Variants in NANOG observed in about 807,000 individuals in gnomAD.
NANOG encodes the protein homeobox protein NANOG.
NANOG carries 2 observed loss-of-function variants against 17.7 expected under a neutral mutation model. That is an observed-to-expected ratio of 0.11 (90% CI 0.05 to 0.36). NANOG has a LOEUF of 0.36. Among genes scored for constraint, NANOG ranks in the 10% least tolerant of loss-of-function variants. The pLI, the probability that NANOG is intolerant of heterozygous loss-of-function variation, is 1.00. For synonymous variants in NANOG, 81 were observed against 124.7 expected, an observed-to-expected ratio of 0.65 and a Z score of 2.33; for missense variants, 174 against 362.1, an observed-to-expected ratio of 0.48 and a Z score of 4.22.
Position 7,789,429 on chromosome 12 carries a change from C to T in NANOG, c.-186C>T, listed in dbSNP as rs1037264717. 49 of 598,768 alleles carry T rather than the reference C, an allele frequency of 8.2e-5. 2 individuals carry two copies. Among genetic ancestry groups the T allele is most frequent in the Middle Eastern group, 4.4e-4 (1 of 2,276 alleles). The allele number at this position is 598,768 out of a possible 1,614,324, so 37.1% of individuals were successfully genotyped here. A position where few individuals can be genotyped will look rare whatever the true frequency, so the allele number is the denominator to read the frequency against. On this transcript the variant is annotated 5_prime_UTR_variant, in exon 1 of 4. In the 5' UTR this introduces an upstream ATG that the reference lacks. Coordinates refer to ENST00000229307, the MANE Select transcript of NANOG (RefSeq NM_024865.4). ...AAATCTAGAGACTCCAGGATTTTAA[C>T]GTTCTGCTGGACTGAGCTGGTTGCC...
At chr12:7,793,902 TG>T (rs1181784549) in intron 2 of NANOG, among the ~76,000 whole-genome samples, 1 of 152,060 alleles carries the variant, frequency 6.6e-6, no homozygotes, top group Non-Finnish European at 1.5e-5. Flanking sequence ...CCACTACACC[TG>T]GCTAATTTTA....
chr12:7,792,133 G>A (rs1862849577), intron 1 of NANOG, among the ~76,000 whole-genome samples: 1 of 152,158 alleles, frequency 6.6e-6, no homozygotes, highest in South Asian at 2.1e-4. Flanking sequence ...GACCTCAAGT[G>A]ATCTGCCCAC....
rs1862804210 is a variant in NANOG, at chr12:7,789,501, T to G, written c.-114T>G. 8.0e-6 allele frequency: 7 copies of G among 877,592 alleles called. No individual in the cohort carries two copies. In the East Asian group the frequency reaches 1.8e-4, roughly 23 times the overall value. 54.4% of individuals were successfully genotyped at this position (877,592 alleles called of 1,614,324 possible). Reference sequence around the variant, plus strand: ...TCACTTTATCCCAATTTCTTGATACTTTTCCTTCTGGAGGTCCTATTTCTC... The same window carrying G: ...TCACTTTATCCCAATTTCTTGATACGTTTCCTTCTGGAGGTCCTATTTCTC... On this transcript the variant is annotated 5_prime_UTR_variant, in exon 1 of 4. Coordinates refer to ENST00000229307, the MANE Select transcript of NANOG (RefSeq NM_024865.4).
chr12:7,795,543 G>C lies in NANOG; in HGVS notation c.*448G>C, dbSNP rs1324938947. On this transcript the variant is annotated 3_prime_UTR_variant, in exon 4 of 4. Coordinates refer to ENST00000229307, the MANE Select transcript of NANOG (RefSeq NM_024865.4). ...TCACTGTGTTAGCCAGGATGGTCTC[G>C]ATCTCCTGACCTTGTGATCCACCCG... The C allele has an allele frequency of 3.5e-5, 3 of 85,352 alleles. No individual in the cohort carries two copies. The highest frequency in any genetic ancestry group is 3.0e-4 in the South Asian group (1 of 3,378). 5.3% of individuals were successfully genotyped at this position (85,352 alleles called of 1,614,324 possible).
In NANOG at chr12:7,798,340, C is replaced by T. The variant is rs74240316; in HGVS notation, c.*3245C>T. Reference sequence around the variant, plus strand: ...GACCCCAGATAATGCCACCCCACTCCAGCCTGGGCGACAGAGCGTCACTGT... The same window carrying T: ...GACCCCAGATAATGCCACCCCACTCTAGCCTGGGCGACAGAGCGTCACTGT... On this transcript the variant is annotated 3_prime_UTR_variant, in exon 4 of 4. Transcript: ENST00000229307. 25,854 of 152,184 alleles carry T rather than the reference C, an allele frequency of 0.17. 2,567 individuals are homozygous for T. Among genetic ancestry groups the T allele is most frequent in the East Asian group, 0.33 (1,693 of 5,160 alleles). 9.4% of individuals were successfully genotyped at this position (152,184 alleles called of 1,614,324 possible).
chr12:7,796,736 A>G lies in NANOG; in HGVS notation c.*1641A>G, dbSNP rs752604405. The G allele has an allele frequency of 2.0e-5, 3 of 150,658 alleles. No individual in the cohort carries two copies. Among genetic ancestry groups the G allele is most frequent in the South Asian group, 2.1e-4 (1 of 4,770 alleles). The allele number at this position is 150,658 out of a possible 1,614,324, so 9.3% of individuals were successfully genotyped here. A position where few individuals can be genotyped will look rare whatever the true frequency, so the allele number is the denominator to read the frequency against. On this transcript the variant is annotated 3_prime_UTR_variant, in exon 4 of 4. Coordinates refer to ENST00000229307, the MANE Select transcript of NANOG (RefSeq NM_024865.4). ...TTGTCCAATGTTACTAAGACTATCC[A>G]GTCTAATTCCAAGTGTTTTTTTTTT...
chr12:7,794,357 G>GAT, intron 2 of NANOG, 100 bp from the exon 3 acceptor site: 1 of 1,132,384 alleles, frequency 8.8e-7, no homozygotes. Flanking sequence ...ACAGGCATGA[G>GAT]ATATGGCACC....
At chr12:7,790,281 C>G (rs1417201052) in intron 1 of NANOG, among the ~76,000 whole-genome samples, 1 of 152,216 alleles carries the variant, frequency 6.6e-6, no homozygotes, top group Non-Finnish European at 1.5e-5. Flanking sequence ...ACGGCTGTCT[C>G]TTCTCCATTC....
rs989386228 is a variant in NANOG, at chr12:7,791,374, G to A, written c.152-1576G>A. ...GATTCACCTGCCTTGGCTGGGCACC[G>A]CGCCTGGCCACCTTTATAATTTCAA... On this transcript the variant is annotated intron_variant, in intron 1 of 3. Coordinates refer to ENST00000229307, the MANE Select transcript of NANOG (RefSeq NM_024865.4). Among the ~76,000 whole-genome samples the A allele has an allele frequency of 3.8e-4, 58 of 152,078 alleles. 1 individual carries two copies. Among genetic ancestry groups the A allele is most frequent in the African/African-American group, 1.4e-3 (58 of 41,414 alleles).
intron 1 of NANOG, among the ~76,000 whole-genome samples, chr12:7,790,950 G>A (rs540265319): frequency 2.2e-4 from 33 of 152,204 alleles, no homozygotes; most frequent in Non-Finnish European, 4.6e-4. Context: ...TCACTTTGCA[G>A]CTCGGGCTGG....
Position 7,793,130 on chromosome 12 carries a change from A to G in NANOG, c.332A>G (p.Asn111Ser), listed in dbSNP as rs763289367. ...TCTTCCACCCAGCTGTGTGTACTCAATGATAGATTTCAGAGACAGAAATAC... is the reference window on the plus strand; with the variant it reads ...TCTTCCACCCAGCTGTGTGTACTCAGTGATAGATTTCAGAGACAGAAATAC... ...VFSSTQLCVLNDRFQRQKYLS... is the reference protein window; with the variant it reads ...VFSSTQLCVLSDRFQRQKYLS... The change falls in exon 2 of 4, where the codon AAT becomes AGT. Residue 111 changes from asparagine (N) to serine (S), a missense_variant. By Grantham distance (46) the Asn-to-Ser change is conservative (BLOSUM62 1). This residue lies in a region of NANOG where 158 missense variants were observed against 244.2 expected (regional missense o/e 0.65). Coordinates refer to ENST00000229307, the MANE Select transcript of NANOG (RefSeq NM_024865.4). 8.7e-6 allele frequency: 14 copies of G among 1,608,818 alleles called. No homozygotes were observed. The highest frequency in any genetic ancestry group is 3.3e-5 in the Admixed American group (2 of 59,932).
chr12:7,793,007 C>T lies in NANOG; in HGVS notation c.209C>T (p.Thr70Ile). ...LLIQDSPDSS[T>I]SPKGKQPTSA... ...ATTCAGGACAGCCCTGATTCTTCCA[C>T]CAGTCCCAAAGGCAAACAACCCACT... Residue 70 changes from threonine to isoleucine, a missense_variant, in exon 2 of 4, where the codon ACC (threonine) becomes ATC (isoleucine). Physicochemically the swap from Thr to Ile is moderately conservative, Grantham distance 89. Coordinates refer to ENST00000229307, the MANE Select transcript of NANOG (RefSeq NM_024865.4). 6.2e-7 allele frequency: 1 copy of T among 1,609,516 alleles called. No individual in the cohort carries two copies. The highest frequency in any genetic ancestry group is 2.2e-5 in the East Asian group (1 of 44,880).
chr12:7,796,311 A>G lies in NANOG; in HGVS notation c.*1216A>G, dbSNP rs1172950280. 1 of 151,980 alleles carries G rather than the reference A, an allele frequency of 6.6e-6. No individual in the cohort carries two copies. Among genetic ancestry groups the G allele is most frequent in the African/African-American group, 2.4e-5 (1 of 41,294 alleles). The allele number at this position is 151,980 out of a possible 1,614,324, so 9.4% of individuals were successfully genotyped here. A position where few individuals can be genotyped will look rare whatever the true frequency, so the allele number is the denominator to read the frequency against. The stretch of plus-strand genomic sequence containing the variant: ...CAAAAATAAATAAATAAATAAGTAA[A>G]TAAATGAATAATAAATAAATATGCC... On this transcript the variant is annotated 3_prime_UTR_variant, in exon 4 of 4. Coordinates refer to ENST00000229307, the MANE Select transcript of NANOG (RefSeq NM_024865.4).
At chr12:7,791,105 CTTTCTTTCT>C (rs1477600099) in intron 1 of NANOG, among the ~76,000 whole-genome samples, 2 of 122,712 alleles carry the variant, frequency 1.6e-5, no homozygotes, top group African/African-American at 7.3e-5. Flanking sequence ...TTCTTTCTTT[CTTTCTTTCT>C]TTTTTTTTTT....
intron 1 of NANOG, among the ~76,000 whole-genome samples, chr12:7,790,967 A>AC (rs1862832643): frequency 6.6e-6 from 1 of 151,314 alleles, no homozygotes; most frequent in Non-Finnish European, 1.5e-5. Context: ...CTGGTCTTGA[A>AC]CTCCTGACCT....
chr12:7,792,846 G>C, intron 1 of NANOG, 104 bp from the exon 2 acceptor site: 1 of 1,187,122 alleles, frequency 8.4e-7, no homozygotes, highest in Non-Finnish European at 1.2e-6. Context: ...CTTAGATCTG[G>C]GGTTCTGGGA....
chr12:7,790,250 G>A (rs928487411), intron 1 of NANOG, among the ~76,000 whole-genome samples: 8 of 152,188 alleles, frequency 5.3e-5, no homozygotes, highest in Non-Finnish European at 8.8e-5. Flanking sequence ...CATAATTTGG[G>A]TAATTCTTTC....
rs368898677 is a variant in NANOG at position 7,794,424 on chromosome 12, A to G, written c.415-33A>G. The G allele has an allele frequency of 1.1e-3, 1,741 of 1,576,864 alleles. 9 individuals are homozygous for G. Among genetic ancestry groups the G allele is most frequent in the Non-Finnish European group, 1.1e-3 (1,281 of 1,151,494 alleles). Reference sequence around the variant, plus strand: ...GATTCAAAGTACCTCTGTATTATGAATATTTTACAATTTCTATCATTTTTT... The same window carrying G: ...GATTCAAAGTACCTCTGTATTATGAGTATTTTACAATTTCTATCATTTTTT... On this transcript the variant is annotated intron_variant, in intron 2 of 3. Coordinates refer to ENST00000229307, the MANE Select transcript of NANOG (RefSeq NM_024865.4).
In NANOG at chr12:7,796,123, G is replaced by A. The variant is rs1862926343; in HGVS notation, c.*1028G>A. 1 of 152,102 alleles carries A rather than the reference G, an allele frequency of 6.6e-6. No individual in the cohort carries two copies. Among genetic ancestry groups the A allele is most frequent in the Non-Finnish European group, 1.5e-5 (1 of 68,020 alleles). 9.4% of individuals were successfully genotyped at this position (152,102 alleles called of 1,614,324 possible). On this transcript the variant is annotated 3_prime_UTR_variant, in exon 4 of 4. Coordinates refer to ENST00000229307, the MANE Select transcript of NANOG (RefSeq NM_024865.4). ...ATTAGCTGAGGACACTGCTATCTTA[G>A]AAATGCATAGAAATAGCTGAGCGTG...
Sources: allele counts gnomAD v4.1 joint callset (sites outside exome capture counted in the v4.1 genomes callset), GRCh38; gene constraint gnomAD v4.1.1; regional missense constraint gnomAD v4.1.1; transcripts MANE v1.5; gene names NCBI Gene and HGNC (gene_info 2026-07-23, HGNC 2026-07-21).